The following TMEM45A variants were observed in gnomAD, a reference collection of about 807,000 sequenced individuals.
TMEM45A encodes the protein DNA polymerase-transactivated protein 4.
A neutral mutation model predicts 32.0 loss-of-function variants in TMEM45A; 25 were observed. That is an observed-to-expected ratio of 0.78 (90% confidence interval 0.57 to 1.09). TMEM45A has a LOEUF of 1.09. Among genes scored for constraint, TMEM45A ranks in the 50% least tolerant of loss-of-function variants. TMEM45A has a pLI of 0.00. For missense variants in TMEM45A, 302 were observed against 325.0 expected (o/e 0.93, Z 0.54); for synonymous variants, 122 against 114.8 (o/e 1.06, Z -0.40).
intron 1 of TMEM45A, among the ~76,000 whole-genome samples, chr3:100,528,601 T>C (rs1332561365): frequency 6.6e-6 from 1 of 152,132 alleles, no homozygotes; most frequent in Non-Finnish European, 1.5e-5. Context: ...CCGAGAAGCA[T>C]GGCAGACTAG....
At chr3:100,523,131 C>G (rs1705467991) in intron 1 of TMEM45A, among the ~76,000 whole-genome samples, 1 of 152,222 alleles carries the variant, frequency 6.6e-6, no homozygotes. Context: ...GGTTCCTGAC[C>G]TCCCAGCTTT....
chr3:100,547,637 G>A (rs1706005885), intron 1 of TMEM45A, among the ~76,000 whole-genome samples: 1 of 152,054 alleles, frequency 6.6e-6, no homozygotes, highest in African/African-American at 2.4e-5. Flanking sequence ...GGTGGCAGAG[G>A]CAGAAGAAAA....
chr3:100,529,190 T>A (rs1323732406), intron 1 of TMEM45A, among the ~76,000 whole-genome samples: 2 of 152,142 alleles, frequency 1.3e-5, no homozygotes, highest in Non-Finnish European at 2.9e-5. Context: ...AAATTAAAAA[T>A]GAAGCAATTA....
At chr3:100,493,920 C>T (rs1195743578) in intron 1 of TMEM45A, among the ~76,000 whole-genome samples, 1 of 152,008 alleles carries the variant, frequency 6.6e-6, no homozygotes, top group Admixed American at 6.6e-5. Flanking sequence ...TTAGTAAAGA[C>T]GGGGTTTCGC....
chr3:100,510,030 C>T (rs910910730), intron 1 of TMEM45A, among the ~76,000 whole-genome samples: 34 of 152,220 alleles, frequency 2.2e-4, no homozygotes, highest in African/African-American at 6.7e-4. Context: ...AAGGTGGCAG[C>T]GAGGTTGGGG....
At chr3:100,548,431 T>A (rs763994107) in intron 1 of TMEM45A, among the ~76,000 whole-genome samples, 9 of 152,192 alleles carry the variant, frequency 5.9e-5, no homozygotes, top group Non-Finnish European at 1.5e-5. Flanking sequence ...AAGCTGAGAG[T>A]GAACGAGAAG....
chr3:100,536,362 G>A (rs1279740741), intron 1 of TMEM45A, among the ~76,000 whole-genome samples: 6 of 152,204 alleles, frequency 3.9e-5, no homozygotes, highest in Non-Finnish European at 7.3e-5. Context: ...CCCACTTGGT[G>A]TAGCCACTGC....
At chr3:100,549,972 T>G (rs1020587652) in intron 1 of TMEM45A, among the ~76,000 whole-genome samples, 2 of 146,960 alleles carry the variant, frequency 1.4e-5, no homozygotes, top group Middle Eastern at 7.1e-3. Flanking sequence ...CTATCGTTGT[T>G]GGACATTTGG....
At chr3:100,546,012 C>A (rs1027842125) in intron 1 of TMEM45A, among the ~76,000 whole-genome samples, 1 of 152,128 alleles carries the variant, frequency 6.6e-6, no homozygotes, top group African/African-American at 2.4e-5. Context: ...AAATTAGAAC[C>A]TTTACCAGAT....
chr3:100,533,396 C>T (rs572901205), intron 1 of TMEM45A, among the ~76,000 whole-genome samples: 3 of 152,128 alleles, frequency 2.0e-5, no homozygotes, highest in South Asian at 4.1e-4. Flanking sequence ...GACAGCTAAG[C>T]CTTGATCACT....
chr3:100,496,146 T>C (rs1289231396), intron 1 of TMEM45A, among the ~76,000 whole-genome samples: 2 of 152,198 alleles, frequency 1.3e-5, no homozygotes, highest in Non-Finnish European at 2.9e-5. Context: ...CTTGTGGTCC[T>C]CCTTGCCATC....
chr3:100,545,035 T>C (rs1209901556), intron 1 of TMEM45A, among the ~76,000 whole-genome samples: 1 of 152,174 alleles, frequency 6.6e-6, no homozygotes, highest in East Asian at 1.9e-4. Flanking sequence ...TTCTAGTGAG[T>C]GTGTATTGGT....
At chr3:100,571,096 ACTT>A (rs1402194069) in intron 5 of TMEM45A, 1 of 151,606 alleles carries the variant, frequency 6.6e-6, no homozygotes, top group African/African-American at 2.4e-5. Flanking sequence ...ACCTTCTAAA[ACTT>A]CTTACACTCT....
At chr3:100,546,181 A>T (rs1163091265) in intron 1 of TMEM45A, among the ~76,000 whole-genome samples, 1 of 152,204 alleles carries the variant, frequency 6.6e-6, no homozygotes, top group African/African-American at 2.4e-5. Flanking sequence ...AGCCTCTTCA[A>T]TGGGACATAG....
In TMEM45A at chr3:100,556,894, G is replaced by A; in HGVS notation, c.325G>A (p.Asp109Asn). ...CTTCTTTGGGCTGTTGGGTGTGGCA[G>A]ATATCTTATGTTTCACCATCAGTTC... ...YFFFGLLGVA[D>N]ILCFTISSLP... is the part of the protein sequence containing the mutation. The change falls in exon 3 of 6, where the codon GAT (aspartate) becomes AAT (asparagine). Residue 109 changes from aspartate (D) to asparagine (N), a missense_variant. Physicochemically the swap from Asp to Asn is conservative, Grantham distance 23 (BLOSUM62 1). Transcript: ENST00000323523. 1 of 1,614,146 alleles carries A rather than the reference G, an allele frequency of 6.2e-7. No homozygotes were observed. The highest frequency in any genetic ancestry group is 8.5e-7 in the Non-Finnish European group (1 of 1,180,012).
intron 1 of TMEM45A, among the ~76,000 whole-genome samples, chr3:100,537,837 A>G (rs1160093296): frequency 7.0e-6 from 1 of 143,570 alleles, no homozygotes; most frequent in East Asian, 1.9e-4. Flanking sequence ...AGGTGTGGTC[A>G]CTGCATTTTG....
At chr3:100,502,446 T>C (rs1160548980) in intron 1 of TMEM45A, among the ~76,000 whole-genome samples, 2 of 152,132 alleles carry the variant, frequency 1.3e-5, no homozygotes, top group Non-Finnish European at 2.9e-5. Flanking sequence ...GATTTGGGGA[T>C]TCTATCTGTG....
intron 1 of TMEM45A, among the ~76,000 whole-genome samples, chr3:100,553,695 A>G (rs1029308035): frequency 3.9e-5 from 6 of 152,156 alleles, no homozygotes; most frequent in African/African-American, 1.4e-4. Flanking sequence ...TCCTTCTTTT[A>G]TTAATTAAGA....
intron 1 of TMEM45A, among the ~76,000 whole-genome samples, chr3:100,527,877 G>C (rs1269735985): frequency 1.3e-5 from 2 of 152,162 alleles, no homozygotes; most frequent in Non-Finnish European, 2.9e-5. Flanking sequence ...ATATCCAGAA[G>C]TCACAACCAA....
Sources: gnomAD v4.1 joint callset for allele counts (sites outside exome capture counted in the v4.1 genomes callset) on GRCh38, gnomAD v4.1.1 for gene constraint, MANE v1.5 for transcripts, NCBI Gene and HGNC (gene_info 2026-07-23, HGNC 2026-07-21) for gene names.